Variants in SYNPO2 observed in about 807,000 individuals in gnomAD.
The protein encoded by SYNPO2 is synaptopodin-2.
In SYNPO2, 56 loss-of-function variants were observed where a neutral mutation model predicts 85.0. The ratio of observed to expected loss-of-function variants is 0.66; its 90% CI spans 0.53 to 0.82. SYNPO2 has a LOEUF of 0.82. SYNPO2 is among the 40% of genes least tolerant of loss of function. SYNPO2 has a pLI of 0.00. For missense variants in SYNPO2, 1,575 were observed against 1,534.2 expected (o/e 1.03, Z -0.44); for synonymous variants, 602 against 591.1 (o/e 1.02, Z -0.27).
At chr4:118,865,286 C>T (rs190469820) in intron 1 of SYNPO2, among the ~76,000 whole-genome samples, 1 of 152,302 alleles carries the variant, frequency 6.6e-6, no homozygotes, top group East Asian at 1.9e-4. Flanking sequence ...TCTGTTCTGG[C>T]AATGCAGTCT....
chr4:119,006,340 T>G (rs548068526), intron 1 of SYNPO2: 1 of 152,280 alleles, frequency 6.6e-6, no homozygotes, highest in Admixed American at 6.5e-5. Context: ...TCCAGTGAAT[T>G]TGTGTCCATA....
At chr4:119,023,407 T>C in intron 1 of SYNPO2, 23 bp from the exon 2 acceptor site, 1 of 1,587,394 alleles carries the variant, frequency 6.3e-7, no homozygotes, top group Non-Finnish European at 8.6e-7. Context: ...TTCTACTATG[T>C]CTTCTTTTTT....
chr4:119,032,932 C>A, intron 4 of SYNPO2: 2 of 504,972 alleles, frequency 4.0e-6, no homozygotes, highest in Non-Finnish European at 2.5e-6. Context: ...GGTTGATTCC[C>A]ACCCTCCCTC....
At chr4:119,044,424 A>G (rs1214590367) in intron 4 of SYNPO2, among the ~76,000 whole-genome samples, 3 of 152,324 alleles carry the variant, frequency 2.0e-5, no homozygotes. Flanking sequence ...TGGACCAGAG[A>G]TGTGATAAAG....
At chr4:118,950,533 G>A (rs942677517) in intron 1 of SYNPO2, among the ~76,000 whole-genome samples, 7 of 152,186 alleles carry the variant, frequency 4.6e-5, no homozygotes, top group African/African-American at 1.7e-4. Context: ...ATTTTGGCAG[G>A]TTCTGGGTTA....
chr4:118,928,226 A>C (rs982831525), intron 1 of SYNPO2, among the ~76,000 whole-genome samples: 2 of 152,228 alleles, frequency 1.3e-5, no homozygotes, highest in Non-Finnish European at 2.9e-5. Context: ...TTTTATGGCA[A>C]GAGGTTTGTT....
At chr4:118,924,131 T>C (rs897696600) in intron 1 of SYNPO2, among the ~76,000 whole-genome samples, 1 of 152,024 alleles carries the variant, frequency 6.6e-6, no homozygotes, top group African/African-American at 2.4e-5. Flanking sequence ...TCCGTGTGGG[T>C]GTATAGCATT....
intron 1 of SYNPO2, among the ~76,000 whole-genome samples, chr4:118,946,122 G>A (rs934439748): frequency 6.6e-6 from 1 of 151,918 alleles, no homozygotes; most frequent in Non-Finnish European, 1.5e-5. Context: ...TGTGGATCAA[G>A]GAATGTCAGC....
At chr4:118,975,910 C>T (rs1186516489) in intron 1 of SYNPO2, among the ~76,000 whole-genome samples, 1 of 152,204 alleles carries the variant, frequency 6.6e-6, no homozygotes, top group African/African-American at 2.4e-5. Context: ...TTTTGTGAGC[C>T]TTACTTTCCT....
intron 1 of SYNPO2, among the ~76,000 whole-genome samples, chr4:118,927,760 T>TAG (rs1560874400): frequency 1.2e-4 from 14 of 120,812 alleles, no homozygotes; most frequent in Middle Eastern, 4.8e-3. Flanking sequence ...GATAGATAGA[T>TAG]ATATAGATAG....
At position 118,873,643 on chromosome 4, in the gene SYNPO2, C is replaced by T. The variant is rs1404727320; in HGVS notation, c.12+22703C>T. Among the ~76,000 whole-genome samples the T allele has an allele frequency of 4.6e-5, 7 of 152,066 alleles. No individual in the cohort carries two copies. In the East Asian group the frequency reaches 1.3e-3, roughly 29 times the overall value. On this transcript the variant is annotated intron_variant, in intron 1 of 4. Transcript: ENST00000610556. The stretch of plus-strand genomic sequence containing the variant: ...TAGTTTGGTGATATTTTCTCCCATT[C>T]CACAGGTTGTGTGTTCGCTTTATTT...
rs946203667 is a variant in SYNPO2 at position 118,957,790 on chromosome 4, T to C, written c.106-65640T>C. On this transcript the variant is annotated intron_variant, in intron 1 of 4. Coordinates refer to ENST00000307142, the MANE Select transcript of SYNPO2 (RefSeq NM_133477.3). ...CAACAAACCTGTAAATGACTCAGCG[T>C]GTCTGTTATTACTCCTATCTCGCAG... Among the ~76,000 whole-genome samples, 73 of 152,288 alleles carry C rather than the reference T, an allele frequency of 4.8e-4. 2 individuals are homozygous for C. Among genetic ancestry groups the C allele is most frequent in the Admixed American group, 4.8e-3 (73 of 15,290 alleles).
chr4:119,013,920 T>C (rs181028372), intron 1 of SYNPO2, among the ~76,000 whole-genome samples: 2 of 152,338 alleles, frequency 1.3e-5, no homozygotes, highest in East Asian at 3.9e-4. Flanking sequence ...CAGTACAACT[T>C]TAGAAACTAC....
At chr4:118,869,008 A>G (rs1731751627) in intron 1 of SYNPO2, among the ~76,000 whole-genome samples, 1 of 152,120 alleles carries the variant, frequency 6.6e-6, no homozygotes, top group Non-Finnish European at 1.5e-5. Context: ...AGTTTAGCAA[A>G]TGACACATGG....
In SYNPO2 at chr4:119,026,730, C is replaced by G. The variant is rs376873485; in HGVS notation, c.361C>G (p.Arg121Gly). The change falls in exon 3 of 5, where the codon CGA becomes GGA. Residue 121 changes from arginine (R) to glycine (G), a missense_variant. By Grantham distance (125) the Arg-to-Gly change is moderately radical (BLOSUM62 -2). Transcript: ENST00000307142. Reference sequence around the variant, plus strand: ...TGTGGAAAGTACCACCCTGCAGATTCGACCGGCCACAAAGACCCAGTGCAC... The same window carrying G: ...TGTGGAAAGTACCACCCTGCAGATTGGACCGGCCACAAAGACCCAGTGCAC... ...GYVESTTLQI[R>G]PATKTQCTEF... 8 of 1,614,072 alleles carry G rather than the reference C, an allele frequency of 5.0e-6. No homozygotes were observed. In the African/African-American group the frequency reaches 9.3e-5, roughly 19 times the overall value.
chr4:118,987,595 T>C (rs756106221), intron 1 of SYNPO2, among the ~76,000 whole-genome samples: 11 of 151,606 alleles, frequency 7.3e-5, no homozygotes, highest in Non-Finnish European at 1.0e-4. Context: ...GCCCTGGAGG[T>C]TGAGGCTGCA....
intron 4 of SYNPO2, among the ~76,000 whole-genome samples, chr4:119,046,163 G>A (rs1189037396): frequency 6.6e-6 from 1 of 152,174 alleles, no homozygotes; most frequent in Non-Finnish European, 1.5e-5. Context: ...TAGAACTGTA[G>A]CTAGTACATA....
rs752055751 is a variant in SYNPO2 at position 118,878,901 on chromosome 4, C to T, written c.12+27961C>T. The stretch of plus-strand genomic sequence containing the variant: ...GTCTTGTGGATGTTTTGTTCTTTCT[C>T]TCTCTGCAGTAAATCCTACTGCTGT... On this transcript the variant is annotated intron_variant, in intron 1 of 4. Transcript: ENST00000610556. Among the ~76,000 whole-genome samples the T allele has an allele frequency of 7.2e-5, 11 of 152,112 alleles. No homozygotes were observed. The South Asian group carries it at 8.3e-4, about 11-fold the overall frequency.
intron 1 of SYNPO2, among the ~76,000 whole-genome samples, chr4:118,954,187 A>G (rs1734792744): frequency 6.6e-6 from 1 of 152,212 alleles, no homozygotes; most frequent in African/African-American, 2.4e-5. Context: ...ATTTAAATAT[A>G]TGGGTTTTCA....
Sources: allele counts gnomAD v4.1 joint callset (sites outside exome capture counted in the v4.1 genomes callset), GRCh38; gene constraint gnomAD v4.1.1; transcripts MANE v1.5; gene names NCBI Gene and HGNC (gene_info 2026-07-23, HGNC 2026-07-21).